Variants in NBDY observed in about 807,000 individuals in gnomAD.
NBDY encodes the protein P-body dissociating protein.
intron 2 of NBDY, among the ~76,000 whole-genome samples, chrX:56,787,112 TG>T (rs2069733483): frequency 1.8e-5 from 2 of 111,253 alleles, no homozygotes; most frequent in African/African-American, 6.6e-5. Flanking sequence ...TTTCAGTGTG[TG>T]CAGGCAGGGT....
At chrX:56,782,216 T>C (rs761061268) in intron 2 of NBDY, among the ~76,000 whole-genome samples, 1,203 of 111,174 alleles carry the variant, frequency 0.011, 17 homozygotes, top group African/African-American at 0.038. Flanking sequence ...GTTCTTGTTC[T>C]CTTTCTGGTT....
intron 2 of NBDY, among the ~76,000 whole-genome samples, chrX:56,749,494 C>T (rs1207541214): frequency 9.0e-6 from 1 of 110,989 alleles, no homozygotes; most frequent in Admixed American, 9.6e-5. Flanking sequence ...TTTGGAAAAT[C>T]GTGATACCTA....
At chrX:56,805,552 A>G (rs774206509) in intron 2 of NBDY, among the ~76,000 whole-genome samples, 8 of 111,696 alleles carry the variant, frequency 7.2e-5, no homozygotes, top group African/African-American at 1.3e-4. Flanking sequence ...TGGCTTTCCA[A>G]TATTTGCTGG....
At chrX:56,748,850 C>A (rs111962690) in intron 2 of NBDY, among the ~76,000 whole-genome samples, 3 of 97,736 alleles carry the variant, frequency 3.1e-5, no homozygotes, top group Non-Finnish European at 4.1e-5. Context: ...AGCTGGCATA[C>A]GAGATGGGAT....
chrX:56,742,354 T>C (rs1390611371), intron 2 of NBDY, among the ~76,000 whole-genome samples: 2 of 111,941 alleles, frequency 1.8e-5, no homozygotes, highest in African/African-American at 6.5e-5. Flanking sequence ...TTGTTTTTTC[T>C]ATTTCTGTGA....
intron 2 of NBDY, among the ~76,000 whole-genome samples, chrX:56,787,638 GTAGA>G (rs1456010112): frequency 8.9e-6 from 1 of 112,304 alleles, no homozygotes; most frequent in Non-Finnish European, 1.9e-5. Context: ...TGGGGTAGGG[GTAGA>G]TAAAGTCCCC....
rs1268460380 is a variant in NBDY at position 56,817,712 on chromosome X, CTATT to C, written c.*564_*567del. Reference sequence around the variant, plus strand: ...CCTACATTTATTCATTTATTTATGTCTATTTATTCATTTATTTTAGTGAAAAATA... The same window carrying C: ...CCTACATTTATTCATTTATTTATGTCTATTCATTTATTTTAGTGAAAAATA... On this transcript the variant is annotated 3_prime_UTR_variant, in exon 3 of 3. Coordinates refer to ENST00000374922, the MANE Select transcript of NBDY (RefSeq NM_001348129.2). The C allele has an allele frequency of 9.0e-6, 1 of 111,699 alleles. No individual in the cohort carries two copies. Among genetic ancestry groups the C allele is most frequent in the Non-Finnish European group, 1.9e-5 (1 of 53,112 alleles). The allele number at this position is 111,699 out of a possible 1,213,427, so 9.2% of individuals were successfully genotyped here. A position where few individuals can be genotyped will look rare whatever the true frequency, so the allele number is the denominator to read the frequency against.
At chrX:56,788,800 G>A (rs1171506717) in intron 2 of NBDY, among the ~76,000 whole-genome samples, 1 of 112,205 alleles carries the variant, frequency 8.9e-6, no homozygotes, top group Non-Finnish European at 1.9e-5. Context: ...TCACTGTGTG[G>A]ACTGACTCGT....
At chrX:56,783,095 C>T (rs1440127398) in intron 2 of NBDY, among the ~76,000 whole-genome samples, 1 of 112,892 alleles carries the variant, frequency 8.9e-6, no homozygotes, top group East Asian at 2.8e-4. Flanking sequence ...ACAATGTCTT[C>T]CACTCGGGCT....
In NBDY at chrX:56,819,103, A is replaced by AAAT. The variant is rs1463152952; in HGVS notation, c.*1952_*1954dup. On this transcript the variant is annotated 3_prime_UTR_variant, in exon 3 of 3. Coordinates refer to ENST00000374922, the MANE Select transcript of NBDY (RefSeq NM_001348129.2). Reference sequence around the variant, plus strand: ...GTTACACTATAAAACTCTTGGGAGGAAATATAGAATAAATTTTTGTGACCT... The same window carrying AAAT: ...GTTACACTATAAAACTCTTGGGAGGAAATAATATAGAATAAATTTTTGTGACCT... 9.0e-6 allele frequency: 1 copy of AAAT among 110,858 alleles called. No homozygotes were observed. The highest frequency in any genetic ancestry group is 3.3e-5 in the African/African-American group (1 of 30,512). 9.1% of individuals were successfully genotyped at this position (110,858 alleles called of 1,213,427 possible).
chrX:56,754,840 G>A (rs1430951620), intron 2 of NBDY, among the ~76,000 whole-genome samples: 8 of 110,552 alleles, frequency 7.2e-5, no homozygotes, highest in Admixed American at 1.9e-4. Flanking sequence ...ATAAAGATTA[G>A]AGTGGAGATA....
chrX:56,805,870 C>T (rs1041191053), intron 2 of NBDY, among the ~76,000 whole-genome samples: 4 of 111,085 alleles, frequency 3.6e-5, no homozygotes, highest in Admixed American at 9.6e-5. Flanking sequence ...GTGCAGAACA[C>T]GCAGGTTTGT....
At chrX:56,745,318 G>A (rs1182278069) in intron 2 of NBDY, among the ~76,000 whole-genome samples, 1 of 110,770 alleles carries the variant, frequency 9.0e-6, no homozygotes, top group Non-Finnish European at 1.9e-5. Flanking sequence ...GTTAATCATG[G>A]GTAACTGAAA....
chrX:56,796,821 C>A (rs1336017238), intron 2 of NBDY, among the ~76,000 whole-genome samples: 1 of 110,214 alleles, frequency 9.1e-6, no homozygotes, highest in Admixed American at 9.6e-5. Context: ...AGCTTTTGAT[C>A]CCACTCAGGA....
At chrX:56,809,018 G>A (rs1482748783) in intron 2 of NBDY, among the ~76,000 whole-genome samples, 2 of 112,192 alleles carry the variant, frequency 1.8e-5, no homozygotes, top group East Asian at 2.8e-4. Context: ...CGTTATTTAC[G>A]CAGTAGTCAT....
chrX:56,739,374 C>T (rs1472558703), intron 2 of NBDY, among the ~76,000 whole-genome samples: 1 of 100,362 alleles, frequency 1.0e-5, no homozygotes, highest in Non-Finnish European at 2.0e-5. Flanking sequence ...CTTCAGGAAC[C>T]AAAGACAAAA....
intron 2 of NBDY, among the ~76,000 whole-genome samples, chrX:56,763,478 C>T (rs1338807402): frequency 8.9e-6 from 1 of 112,312 alleles, no homozygotes; most frequent in East Asian, 2.8e-4. Context: ...CAGCCCAAGG[C>T]GGTAAACTCT....
At chrX:56,737,231 C>T in intron 2 of NBDY, 1 of 993,925 alleles carries the variant, frequency 1.0e-6, no homozygotes, top group South Asian at 1.9e-5. Context: ...CCACAGACTT[C>T]AACTACATGA....
At chrX:56,736,137 C>T (rs770676520) in intron 2 of NBDY, among the ~76,000 whole-genome samples, 3 of 112,144 alleles carry the variant, frequency 2.7e-5, no homozygotes, top group East Asian at 2.8e-4. Context: ...AGCAATGACT[C>T]GTCCTGGAAA....
Sources: gnomAD v4.1 joint callset for allele counts (sites outside exome capture counted in the v4.1 genomes callset) on GRCh38, gnomAD v4.1.1 for gene constraint, MANE v1.5 for transcripts, NCBI Gene and HGNC (gene_info 2026-07-23, HGNC 2026-07-21) for gene names.